GALNT18: variants seen among roughly 807,000 people sequenced by gnomAD.
The protein encoded by GALNT18 is GalNAc-transferase 18.
Under a neutral mutation model 69.5 loss-of-function variants are expected in GALNT18, and 44 were observed. The ratio of observed to expected loss-of-function variants is 0.63; its 90% CI spans 0.50 to 0.81. GALNT18 has a LOEUF of 0.81. GALNT18 is among the 40% of genes least tolerant of loss of function. The probability of loss-of-function intolerance (pLI) is 0.00; values close to 1 mark genes in which losing one functional copy is unlikely to be tolerated. For synonymous variants in GALNT18, 364 were observed against 318.2 expected (o/e 1.14, Z -1.53); for missense variants, 715 against 810.0 (o/e 0.88, Z 1.42).
rs934694392 is a variant in GALNT18 at position 11,402,557 on chromosome 11, C to A, written c.596-23293G>T. Among the ~76,000 whole-genome samples the A allele has an allele frequency of 6.6e-6, 1 of 152,218 alleles. No homozygotes were observed. Among genetic ancestry groups the A allele is most frequent in the African/African-American group, 2.4e-5 (1 of 41,460 alleles). ...GCTCAGGGCATGGAGTTATGTGACA[C>A]TGAGGACATCAGCCACAGCTCTTGG... On this transcript the variant is annotated intron_variant, in intron 3 of 10. Coordinates refer to ENST00000227756, the MANE Select transcript of GALNT18 (RefSeq NM_198516.3). This position sits in a 1 kb window ranked among gnomAD's most constrained non-coding sequence, Gnocchi z 4.0.
chr11:11,449,644 A>G (rs1855747800), intron 1 of GALNT18, among the ~76,000 whole-genome samples: 1 of 152,216 alleles, frequency 6.6e-6, no homozygotes, highest in Non-Finnish European at 1.5e-5. Flanking sequence ...GTTTCCCAGG[A>G]ACTTCCCAGA....
intron 1 of GALNT18, among the ~76,000 whole-genome samples, chr11:11,499,625 G>A (rs1856933086): frequency 6.6e-6 from 1 of 152,176 alleles, no homozygotes; most frequent in African/African-American, 2.4e-5. Flanking sequence ...CTTCTGCCCT[G>A]TTCCAGCCCT....
chr11:11,607,512 G>A lies in GALNT18; in HGVS notation c.235+13847C>T, dbSNP rs545982270. Reference sequence around the variant, plus strand: ...AGTATGGAATGTACCTTCCCAGTGTGAACTACATCTATCTCTGAATTGTAA... The same window carrying A: ...AGTATGGAATGTACCTTCCCAGTGTAAACTACATCTATCTCTGAATTGTAA... On this transcript the variant is annotated intron_variant, in intron 1 of 10. Coordinates refer to ENST00000227756, the MANE Select transcript of GALNT18 (RefSeq NM_198516.3). Among the ~76,000 whole-genome samples, 16 of 152,286 alleles carry A rather than the reference G, an allele frequency of 1.1e-4. No individual in the cohort carries two copies. The South Asian group carries it at 2.5e-3, about 24-fold the overall frequency.
chr11:11,440,378 G>A (rs914901323), intron 2 of GALNT18, among the ~76,000 whole-genome samples: 1 of 152,226 alleles, frequency 6.6e-6, no homozygotes, highest in African/African-American at 2.4e-5. Context: ...GACACTCTGT[G>A]TGGTGGGTTT....
intron 3 of GALNT18, among the ~76,000 whole-genome samples, chr11:11,390,501 A>G (rs1854161362): frequency 6.6e-6 from 1 of 152,054 alleles, no homozygotes; most frequent in African/African-American, 2.4e-5. Flanking sequence ...CCTCTGGGGG[A>G]AGAGTTAAGG....
intron 1 of GALNT18, among the ~76,000 whole-genome samples, chr11:11,490,223 TC>T (rs1856734547): frequency 1.3e-5 from 1 of 77,662 alleles, no homozygotes; most frequent in Non-Finnish European, 2.6e-5. Context: ...TCTCTCTCTC[TC>T]TCTCTCTCTA....
At chr11:11,424,901 C>T (rs1564942128) in intron 3 of GALNT18, among the ~76,000 whole-genome samples, 1 of 152,068 alleles carries the variant, frequency 6.6e-6, no homozygotes, top group Non-Finnish European at 1.5e-5. Context: ...GGCTATGGGC[C>T]ACCATGCCCA....
At chr11:11,304,909 G>C (rs556797584) in intron 9 of GALNT18, among the ~76,000 whole-genome samples, 1 of 152,390 alleles carries the variant, frequency 6.6e-6, no homozygotes, top group Admixed American at 6.5e-5. Flanking sequence ...CAGAGCTGAA[G>C]CTGAATGATG....
chr11:11,333,671 C>G (rs144652480), intron 7 of GALNT18, among the ~76,000 whole-genome samples: 188 of 152,202 alleles, frequency 1.2e-3, no homozygotes, highest in African/African-American at 3.9e-3. Context: ...GTACTTGTTT[C>G]CCTCCTTTCT....
At chr11:11,446,718 G>A (rs951508425) in intron 2 of GALNT18, among the ~76,000 whole-genome samples, 6 of 152,174 alleles carry the variant, frequency 3.9e-5, no homozygotes, top group Admixed American at 1.3e-4. Context: ...TCCCAGCCTT[G>A]CCCCCTCGGT....
At chr11:11,346,969 A>G (rs1333539500) in intron 6 of GALNT18, among the ~76,000 whole-genome samples, 2 of 152,154 alleles carry the variant, frequency 1.3e-5, no homozygotes, top group African/African-American at 4.8e-5. Flanking sequence ...GGTTTAAAAG[A>G]GATGCTGTAT....
At position 11,538,948 on chromosome 11, in the gene GALNT18, C is replaced by T. The variant is rs1309676745; in HGVS notation, c.235+82411G>A. On this transcript the variant is annotated intron_variant, in intron 1 of 10. Coordinates refer to ENST00000227756, the MANE Select transcript of GALNT18 (RefSeq NM_198516.3). The surrounding 1 kb of genome is among the most constrained non-coding windows in gnomAD (Gnocchi z 5.2). ...CCCCCAGATCCCTGGGTGCCGTGGG[C>T]CTCCCTTTTCACTCAGTCCCAGGAT... Among the ~76,000 whole-genome samples, 1 of 152,152 alleles carries T rather than the reference C, an allele frequency of 6.6e-6. No individual in the cohort carries two copies. Among genetic ancestry groups the T allele is most frequent in the African/African-American group, 2.4e-5 (1 of 41,440 alleles).
chr11:11,467,668 G>C (rs1856181408), intron 1 of GALNT18, among the ~76,000 whole-genome samples: 1 of 152,204 alleles, frequency 6.6e-6, no homozygotes, highest in Non-Finnish European at 1.5e-5. Flanking sequence ...CTCAACCCTG[G>C]CTACACATTA....
At chr11:11,283,656 C>T (rs1193111101) in intron 10 of GALNT18, among the ~76,000 whole-genome samples, 1 of 152,190 alleles carries the variant, frequency 6.6e-6, no homozygotes, top group African/African-American at 2.4e-5. Context: ...CCTGGGCTGG[C>T]CCCTCCCTCT....
chr11:11,506,136 A>T (rs895662690), intron 1 of GALNT18, among the ~76,000 whole-genome samples: 40 of 152,336 alleles, frequency 2.6e-4, no homozygotes, highest in African/African-American at 9.4e-4. Flanking sequence ...AAATAAAATT[A>T]AGAATTTATT....
Position 11,595,503 on chromosome 11 carries a change from T to C in GALNT18, c.235+25856A>G, listed in dbSNP as rs2133936610. 6.6e-6 allele frequency among the ~76,000 whole-genome samples: 1 copy of C among 152,330 alleles called. No homozygotes were observed. Among genetic ancestry groups the C allele is most frequent in the East Asian group, 1.9e-4 (1 of 5,188 alleles). On this transcript the variant is annotated intron_variant, in intron 1 of 10. Coordinates refer to ENST00000227756, the MANE Select transcript of GALNT18 (RefSeq NM_198516.3). This position sits in a 1 kb window ranked among gnomAD's most constrained non-coding sequence, Gnocchi z 5.2. ...GTTTATTTTGTTATGGCAGCCGAGA[T>C]GAACTAAGACACATTCTCTTCAATA...
intron 6 of GALNT18, among the ~76,000 whole-genome samples, chr11:11,349,570 A>G (rs1850362057): frequency 1.3e-5 from 2 of 152,148 alleles, no homozygotes; most frequent in Admixed American, 1.3e-4. Context: ...TTTGTTGTTT[A>G]TGTGCCCACA....
At position 11,620,725 on chromosome 11, in the gene GALNT18, C is replaced by T. The variant is rs1860171451; in HGVS notation, c.235+634G>A. Among the ~76,000 whole-genome samples the T allele has an allele frequency of 6.6e-6, 1 of 152,146 alleles. No homozygotes were observed. The highest frequency in any genetic ancestry group is 6.5e-5 in the Admixed American group (1 of 15,280). ...CTGCTCCTGGAGAGGGTCCTGGACC[C>T]GCGGGCTGTGGTGGGGGTAGGGACT... On this transcript the variant is annotated intron_variant, in intron 1 of 10. Transcript: ENST00000227756. The surrounding 1 kb of genome is among the most constrained non-coding windows in gnomAD (Gnocchi z 6.9).
Position 11,564,888 on chromosome 11 carries a change from C to T in GALNT18, c.235+56471G>A, listed in dbSNP as rs1032357121. ...TGTGTCTGCTCGATACCATAGTGAA[C>T]AGAATAGGTCTAGAACATCTCCCTC... On this transcript the variant is annotated intron_variant, in intron 1 of 10. Transcript: ENST00000227756. This position sits in a 1 kb window ranked among gnomAD's most constrained non-coding sequence, Gnocchi z 4.3. Among the ~76,000 whole-genome samples the T allele has an allele frequency of 2.6e-5, 4 of 152,190 alleles. No individual in the cohort carries two copies. The highest frequency in any genetic ancestry group is 4.8e-5 in the African/African-American group (2 of 41,428).
Sources: gnomAD v4.1 joint callset for allele counts (sites outside exome capture counted in the v4.1 genomes callset) on GRCh38, gnomAD v4.1.1 for gene constraint, Gnocchi (gnomAD v3.1) non-coding constraint, MANE v1.5 for transcripts, NCBI Gene and HGNC (gene_info 2026-07-23, HGNC 2026-07-21) for gene names.